Variants in MED13L observed in about 807,000 individuals in gnomAD.
MED13L encodes the protein mediator complex subunit 13L.
Under a neutral mutation model 220.9 loss-of-function variants are expected in MED13L, and 7 were observed. The ratio of observed to expected loss-of-function variants is 0.03; its 90% confidence interval spans 0.02 to 0.06. The LOEUF (loss-of-function observed/expected upper bound fraction) is 0.06. Ranked by LOEUF, MED13L falls within the 10% of genes least tolerant of loss-of-function variation. MED13L has a pLI of 1.00. For missense variants in MED13L, 1,965 were observed against 2,760.5 expected, an observed-to-expected ratio of 0.71 and a Z score of 6.46; for synonymous variants, 1,011 against 1,015.2, an observed-to-expected ratio of 1.00 and a Z score of 0.08.
rs746735422 is a variant in MED13L, at chr12:115,975,732, T to C, written c.5371A>G (p.Ser1791Gly). 14 of 1,613,674 alleles carry C rather than the reference T, an allele frequency of 8.7e-6. No individual in the cohort carries two copies. In the African/African-American group the frequency reaches 1.2e-4, roughly 14 times the overall value. ...GGAGGGGAGTAAAGCTGGATTGGGC[T>C]GGGCCGCTGAAATCAAAACCAAAAT... The part of the protein sequence containing the change: ...EMTLKNPERP[S>G]PIQLYSPPFI... Residue 1791 changes from serine (S) to glycine (G), a missense_variant, in exon 24 of 31, where the codon AGC (serine) becomes GGC (glycine). Around this residue, in one of 10 missense-constraint regions of MED13L, gnomAD observed 510 missense variants for 620.4 expected, o/e 0.82. Coordinates refer to ENST00000281928, the MANE Select transcript of MED13L (RefSeq NM_015335.5).
At chr12:116,209,628 G>C (rs576752802) in intron 2 of MED13L, among the ~76,000 whole-genome samples, 46 of 152,194 alleles carry the variant, frequency 3.0e-4, no homozygotes, top group African/African-American at 1.0e-3. Flanking sequence ...TCCTTCCTAA[G>C]TATTTTCCTT....
chr12:116,084,914 A>C (rs187560676), intron 4 of MED13L, among the ~76,000 whole-genome samples: 4 of 152,268 alleles, frequency 2.6e-5, no homozygotes, highest in Non-Finnish European at 5.9e-5. Flanking sequence ...TACCTCCTAT[A>C]TATGTAGTCA....
chr12:116,187,882 TAAA>T (rs75880346), intron 2 of MED13L, among the ~76,000 whole-genome samples: 3 of 132,614 alleles, frequency 2.3e-5, no homozygotes, highest in Non-Finnish European at 4.9e-5. Flanking sequence ...TTTTATAAGT[TAAA>T]AAAAAAAAAA....
intron 2 of MED13L, among the ~76,000 whole-genome samples, chr12:116,210,102 A>C (rs1362670323): frequency 6.6e-6 from 1 of 152,178 alleles, no homozygotes; most frequent in Admixed American, 6.5e-5. Flanking sequence ...ATGACAAGAG[A>C]TAAAACATTG....
chr12:116,035,347 T>A (rs1160136611), intron 4 of MED13L, among the ~76,000 whole-genome samples: 1 of 147,716 alleles, frequency 6.8e-6, no homozygotes, highest in Non-Finnish European at 1.5e-5. Flanking sequence ...ACAACAATAA[T>A]AAATCCCTCA....
intron 27 of MED13L, 136 bp downstream of exon 27, chr12:115,970,458 A>C: frequency 1.2e-6 from 1 of 849,302 alleles, no homozygotes; most frequent in Non-Finnish European, 1.9e-6. Context: ...ATAGATTCTC[A>C]AACCTTCTAT....
intron 14 of MED13L, among the ~76,000 whole-genome samples, chr12:116,001,843 G>T (rs775459935): frequency 6.6e-6 from 1 of 152,158 alleles, no homozygotes; most frequent in African/African-American, 2.4e-5. Flanking sequence ...TGAGAGAAAG[G>T]ATAGAGCACA....
In MED13L at chr12:116,170,042, T is replaced by C. The variant is rs149515995; in HGVS notation, c.311-58530A>G. Among the ~76,000 whole-genome samples, 1,077 of 152,110 alleles carry C rather than the reference T, an allele frequency of 7.1e-3. 25 individuals carry two copies. The highest frequency in any genetic ancestry group is 0.052 in the Admixed American group (792 of 15,272). ...ATAAATAAACAAACAAAAAATCGTA[T>C]CAATGAACTTCTATATTCTGTCACA... is the stretch of plus-strand genomic sequence containing the variant. On this transcript the variant is annotated intron_variant, in intron 2 of 30. Transcript: ENST00000281928.
intron 2 of MED13L, among the ~76,000 whole-genome samples, chr12:116,117,795 T>G (rs1565885568): frequency 6.6e-6 from 1 of 152,128 alleles, no homozygotes; most frequent in Admixed American, 6.6e-5. Context: ...TAACAAAATA[T>G]AAACATCTTA....
intron 4 of MED13L, among the ~76,000 whole-genome samples, chr12:116,026,626 T>C (rs1880411404): frequency 6.6e-6 from 1 of 152,012 alleles, no homozygotes; most frequent in African/African-American, 2.4e-5. Context: ...TGCTCCTGGC[T>C]CAAAGACCAC....
intron 2 of MED13L, among the ~76,000 whole-genome samples, chr12:116,187,140 T>C (rs960627073): frequency 2.0e-5 from 3 of 152,200 alleles, no homozygotes; most frequent in Non-Finnish European, 4.4e-5. Context: ...CTATTACCTA[T>C]AAAGTGAAAT....
chr12:116,230,711 T>A (rs956211091), intron 2 of MED13L, among the ~76,000 whole-genome samples: 1 of 152,156 alleles, frequency 6.6e-6, no homozygotes, highest in Non-Finnish European at 1.5e-5. Context: ...CAAGAGATAA[T>A]CTTATTCCTG....
chr12:116,077,032 A>G (rs994030882), intron 4 of MED13L, among the ~76,000 whole-genome samples: 1 of 147,810 alleles, frequency 6.8e-6, no homozygotes, highest in Non-Finnish European at 1.5e-5. Flanking sequence ...CCACGGTGAC[A>G]TGTGTCTGTC....
At chr12:115,969,813 C>T (rs989138362) in intron 27 of MED13L, among the ~76,000 whole-genome samples, 5 of 152,062 alleles carry the variant, frequency 3.3e-5, no homozygotes, top group African/African-American at 1.2e-4. Flanking sequence ...CATAAGCCAC[C>T]GTGCCTGGCC....
chr12:116,177,998 G>A (rs1218917610), intron 2 of MED13L, among the ~76,000 whole-genome samples: 1 of 152,086 alleles, frequency 6.6e-6, no homozygotes, highest in Middle Eastern at 3.2e-3. Context: ...TGGGACTATA[G>A]GTGCACATCC....
At chr12:116,140,995 A>G (rs1017942145) in intron 2 of MED13L, among the ~76,000 whole-genome samples, 3 of 152,210 alleles carry the variant, frequency 2.0e-5, no homozygotes, top group African/African-American at 7.2e-5. Flanking sequence ...TTATTTGTTT[A>G]AATGTGTGGA....
chr12:116,111,210 G>T (rs571976537), intron 3 of MED13L, among the ~76,000 whole-genome samples: 1 of 152,082 alleles, frequency 6.6e-6, no homozygotes, highest in Non-Finnish European at 1.5e-5. Flanking sequence ...AAAAACTACC[G>T]TTGAAGGGCA....
At chr12:115,983,056 G>A (rs1468497575) in intron 21 of MED13L, 61 bp downstream of exon 21, 3 of 1,548,642 alleles carry the variant, frequency 1.9e-6, no homozygotes, top group South Asian at 1.1e-5. Flanking sequence ...AAAAGGTGCA[G>A]AAGAAGAAGA....
chr12:116,211,858 T>C (rs1882716723), intron 2 of MED13L, among the ~76,000 whole-genome samples: 1 of 152,252 alleles, frequency 6.6e-6, no homozygotes, highest in Admixed American at 6.5e-5. Flanking sequence ...TTGTTAGATA[T>C]GTCTCTGCTG....
Sources: gnomAD v4.1 joint callset for allele counts (sites outside exome capture counted in the v4.1 genomes callset) on GRCh38, gnomAD v4.1.1 for gene constraint, gnomAD v4.1.1 regional missense constraint, MANE v1.5 for transcripts, NCBI Gene and HGNC (gene_info 2026-07-23, HGNC 2026-07-21) for gene names.